Variants in AGMO observed in about 807,000 individuals in gnomAD.
AGMO encodes the protein glyceryl-ether monooxygenase.
A neutral mutation model predicts 60.2 loss-of-function variants in AGMO; 75 were observed. The observed-to-expected ratio is 1.25, with a 90% CI of 1.03 to 1.51. The LOEUF is 1.51. Among genes scored for constraint, AGMO ranks in the 40% most tolerant of loss-of-function variants. AGMO has a pLI of 0.00. For synonymous variants in AGMO, 261 were observed against 177.1 expected, an observed-to-expected ratio of 1.47 and a Z score of -3.76; for missense variants, 763 against 525.5, an observed-to-expected ratio of 1.45 and a Z score of -4.42.
chr7:15,138,158 T>A, the AGMO span, among the ~76,000 whole-genome samples: 2 of 152,232 alleles, frequency 1.3e-5, no homozygotes, highest in Non-Finnish European at 2.9e-5. Context: ...TTTCCTCTTT[T>A]TAGTACATCT....
At chr7:15,256,444 G>C (rs925662128) in intron 12 of AGMO, among the ~76,000 whole-genome samples, 5 of 152,122 alleles carry the variant, frequency 3.3e-5, no homozygotes, top group Non-Finnish European at 7.4e-5. Flanking sequence ...CCAGGTTCAC[G>C]CCATTCTCCT....
At chr7:15,447,886 A>G (rs975944150) in intron 3 of AGMO, among the ~76,000 whole-genome samples, 1 of 152,186 alleles carries the variant, frequency 6.6e-6, no homozygotes, top group African/African-American at 2.4e-5. Context: ...GAGTTAAGGT[A>G]TTATCTTTCA....
At chr7:15,449,547 C>T (rs927103225) in intron 3 of AGMO, among the ~76,000 whole-genome samples, 1 of 152,094 alleles carries the variant, frequency 6.6e-6, no homozygotes, top group Non-Finnish European at 1.5e-5. Context: ...TTATTTGGTA[C>T]AGTAACATGC....
intron 5 of AGMO, among the ~76,000 whole-genome samples, chr7:15,403,834 G>C (rs2128490405): frequency 6.6e-6 from 1 of 152,084 alleles, no homozygotes; most frequent in East Asian, 1.9e-4. Context: ...AACCACACAA[G>C]TATTTAGACA....
At chr7:15,509,214 A>G (rs891379739) in intron 3 of AGMO, among the ~76,000 whole-genome samples, 6 of 152,178 alleles carry the variant, frequency 3.9e-5, no homozygotes, top group African/African-American at 1.4e-4. Flanking sequence ...TGGTACTGGT[A>G]TAAAACCATA....
intron 12 of AGMO, among the ~76,000 whole-genome samples, chr7:15,202,134 G>A (rs1776109287): frequency 6.6e-6 from 1 of 152,040 alleles, no homozygotes; most frequent in Non-Finnish European, 1.5e-5. Context: ...AACAACCAGA[G>A]TTATTGGGAT....
rs1178276622 is a variant in AGMO at position 15,315,328 on chromosome 7, C to CTTTTTTTTTTTTT, written c.1263+50173_1263+50185dup. On this transcript the variant is annotated intron_variant, in intron 12 of 12. Coordinates refer to ENST00000342526, the MANE Select transcript of AGMO (RefSeq NM_001004320.2). ...TAAGCAAAACTTACATGGATATTTG[C>CTTTTTTTTTTTTT]TTTTTTTTTTTTTTTTTTTTTTTTT... Among the ~76,000 whole-genome samples, 6 of 48,180 alleles carry CTTTTTTTTTTTTT rather than the reference C, an allele frequency of 1.2e-4. 1 individual carries two copies. The highest frequency in any genetic ancestry group is 4.6e-4 in the African/African-American group (6 of 13,172). The allele number at this position is 48,180 out of a possible 152,430, so 31.6% of individuals were successfully genotyped here. A position where few individuals can be genotyped will look rare whatever the true frequency, so the allele number is the denominator to read the frequency against.
downstream of AGMO, among the ~76,000 whole-genome samples, chr7:15,198,116 T>G (rs910445358): frequency 6.6e-6 from 1 of 151,314 alleles, no homozygotes; most frequent in Non-Finnish European, 1.5e-5. Context: ...GTAAATATCT[T>G]CATATGATTT....
chr7:15,538,318 A>G (rs1784530679), intron 3 of AGMO, among the ~76,000 whole-genome samples: 1 of 152,046 alleles, frequency 6.6e-6, no homozygotes, highest in Admixed American at 6.6e-5. Context: ...CTGGAGCCTA[A>G]AATTCCTGGG....
chr7:15,368,664 G>T (rs1783081407), intron 10 of AGMO, among the ~76,000 whole-genome samples: 1 of 152,076 alleles, frequency 6.6e-6, no homozygotes, highest in African/African-American at 2.4e-5. Flanking sequence ...TAGTATTATT[G>T]TTACTATGTT....
intron 6 of AGMO, among the ~76,000 whole-genome samples, chr7:15,393,569 T>C (rs1424640315): frequency 1.3e-5 from 2 of 152,236 alleles, no homozygotes; most frequent in Non-Finnish European, 2.9e-5. Context: ...AATGTAAACA[T>C]TTTTGTTGTT....
chr7:15,140,538 C>G, the AGMO span, among the ~76,000 whole-genome samples: 1 of 152,052 alleles, frequency 6.6e-6, no homozygotes, highest in Admixed American at 6.5e-5. Context: ...GACTTCCATT[C>G]TCAAAATATC....
chr7:15,236,558 A>G (rs1221029116), intron 12 of AGMO, among the ~76,000 whole-genome samples: 3 of 152,256 alleles, frequency 2.0e-5, no homozygotes, highest in African/African-American at 7.2e-5. Flanking sequence ...CATAAGAAAT[A>G]TACAGAGACA....
chr7:15,171,459 T>C, the AGMO span, among the ~76,000 whole-genome samples: 639 of 152,324 alleles, frequency 4.2e-3, 6 homozygotes, highest in African/African-American at 0.015. Context: ...TACTATACTT[T>C]TTGAAAGGAA....
At chr7:15,542,427 A>G (rs780658558) in intron 3 of AGMO, among the ~76,000 whole-genome samples, 1 of 152,176 alleles carries the variant, frequency 6.6e-6, no homozygotes, top group Non-Finnish European at 1.5e-5. Context: ...GCTCTTCCCA[A>G]CTGAGAACAC....
At chr7:15,268,232 T>C (rs1783490273) in intron 12 of AGMO, among the ~76,000 whole-genome samples, 1 of 151,990 alleles carries the variant, frequency 6.6e-6, no homozygotes, top group South Asian at 2.1e-4. Flanking sequence ...TTAATCAGGA[T>C]TTGGATCCAG....
At chr7:15,329,187 C>A (rs1781430138) in intron 12 of AGMO, among the ~76,000 whole-genome samples, 1 of 152,148 alleles carries the variant, frequency 6.6e-6, no homozygotes, top group South Asian at 2.1e-4. Flanking sequence ...AACGTAAACT[C>A]CTCAGGGGCT....
chr7:15,338,966 T>A (rs1781748154), intron 12 of AGMO, among the ~76,000 whole-genome samples: 3 of 152,198 alleles, frequency 2.0e-5, no homozygotes, highest in Admixed American at 1.3e-4. Context: ...GATACATTTT[T>A]ATACCTAGCT....
rs377500253 is a variant in AGMO, at chr7:15,355,614, T to C, written c.1263+9900A>G. On this transcript the variant is annotated intron_variant, in intron 12 of 12. Coordinates refer to ENST00000342526, the MANE Select transcript of AGMO (RefSeq NM_001004320.2). The stretch of plus-strand genomic sequence containing the variant: ...CTGTATTCATAACCCTCCCCAGGAG[T>C]TGTACAAATGGAAACTGGTTGTTAG... Among the ~76,000 whole-genome samples the C allele has an allele frequency of 2.9e-4, 44 of 151,566 alleles. No homozygotes were observed. The South Asian group carries it at 6.7e-3, about 23-fold the overall frequency.
Sources: allele counts gnomAD v4.1 joint callset (sites outside exome capture counted in the v4.1 genomes callset), GRCh38; gene constraint gnomAD v4.1.1; transcripts MANE v1.5; gene names NCBI Gene and HGNC (gene_info 2026-07-23, HGNC 2026-07-21).